Variants in ERVK3-1 observed in about 807,000 individuals in gnomAD.
ERVK3-1 encodes the protein endogenous retrovirus group K3 member 1, also known as HERV-K(HML6-1).
At position 58,313,891 on chromosome 19, in the gene ERVK3-1, C is replaced by T. The variant is rs1237050530; in HGVS notation, c.295-857C>T. On this transcript the variant is annotated intron_variant, in intron 3 of 3. Coordinates refer to ENST00000413518, the Ensembl canonical transcript of ERVK3-1. This position sits in a 1 kb window ranked among gnomAD's most constrained non-coding sequence, Gnocchi z 4.5. ...ACATAGTAATTTTTACTGTAATCTCCTTAGTCACACTAATAACCTCGGTTG... is the reference window on the plus strand; with the variant it reads ...ACATAGTAATTTTTACTGTAATCTCTTTAGTCACACTAATAACCTCGGTTG... Among the ~76,000 whole-genome samples, 1 of 152,190 alleles carries T rather than the reference C, an allele frequency of 6.6e-6. No individual in the cohort carries two copies. Among genetic ancestry groups the T allele is most frequent in the Non-Finnish European group, 1.5e-5 (1 of 68,028 alleles).
At chr19:58,311,439 T>C (rs1600471925) in intron 2 of ERVK3-1, 1 of 152,236 alleles carries the variant, frequency 6.6e-6, no homozygotes, top group East Asian at 1.9e-4. Flanking sequence ...AAGCTTCCCA[T>C]GCTTTACTGC....
intron 1 of ERVK3-1, among the ~76,000 whole-genome samples, chr19:58,305,794 C>T (rs1367896603): frequency 6.6e-6 from 1 of 152,156 alleles, no homozygotes; most frequent in East Asian, 1.9e-4. Context: ...GCGTCTGCCG[C>T]CAGAAGGAAT....
intron 2 of ERVK3-1, among the ~76,000 whole-genome samples, chr19:58,307,629 C>A (rs1354073774): frequency 6.7e-6 from 1 of 150,294 alleles, no homozygotes; most frequent in Non-Finnish European, 1.5e-5. Flanking sequence ...CCGCCCCGCT[C>A]CCCCCAACAC....
At chr19:58,308,968 C>T (rs1419963882) in intron 2 of ERVK3-1, 2 of 152,204 alleles carry the variant, frequency 1.3e-5, no homozygotes, top group Non-Finnish European at 2.9e-5. Context: ...GGTCTGCCAT[C>T]CCCGGCAACC....
chr19:58,314,408 C>T (rs1309360403), intron 3 of ERVK3-1, among the ~76,000 whole-genome samples: 1 of 151,952 alleles, frequency 6.6e-6, no homozygotes. Flanking sequence ...AGGCAGATCA[C>T]GAGGTCAGAA....
rs145575640 is a variant in ERVK3-1 at position 58,313,348 on chromosome 19, G to A, written c.294+886G>A. Among the ~76,000 whole-genome samples the A allele has an allele frequency of 1.1e-4, 17 of 152,228 alleles. 1 individual carries two copies. The South Asian group carries it at 1.9e-3, about 17-fold the overall frequency. On this transcript the variant is annotated intron_variant, in intron 3 of 3. Transcript: ENST00000413518. This position sits in a 1 kb window ranked among gnomAD's most constrained non-coding sequence, Gnocchi z 4.5. The stretch of plus-strand genomic sequence containing the variant: ...GTCGCCCAGGCTGGAGTGCAGTGGC[G>A]CAATCTCGGGTCACTGCAACCTTTG...
Position 58,312,197 on chromosome 19 carries a change from G to A in ERVK3-1, c.29G>A (p.Gly10Asp). ...GACAAACCGTGTGGGTGCCCTCCAG[G>A]TGTGTGTGACCATGGAACGGGAGAC... Residue 10 changes from glycine (G) to aspartate (D), a missense_variant, in exon 3 of 4, where the codon GGT becomes GAT. By Grantham distance (94) the Gly-to-Asp change is moderately conservative. Coordinates refer to ENST00000413518, the Ensembl canonical transcript of ERVK3-1. The surrounding 1 kb of genome is among the most constrained non-coding windows in gnomAD (Gnocchi z 4.7). The A allele has an allele frequency of 2.5e-6, 1 of 400,186 alleles. No homozygotes were observed. The highest frequency in any genetic ancestry group is 4.4e-6 in the Non-Finnish European group (1 of 226,100). The allele number at this position is 400,186 out of a possible 1,614,324, so 24.8% of individuals were successfully genotyped here.
chr19:58,316,760 A>G (rs1259033329), downstream of ERVK3-1, among the ~76,000 whole-genome samples: 5 of 152,206 alleles, frequency 3.3e-5, no homozygotes, highest in East Asian at 9.6e-4. Flanking sequence ...CCTATCTAAC[A>G]AGAGAAAAAC....
intron 2 of ERVK3-1, among the ~76,000 whole-genome samples, chr19:58,308,354 C>T (rs1028977721): frequency 2.0e-5 from 3 of 152,234 alleles, no homozygotes; most frequent in Non-Finnish European, 1.5e-5. Flanking sequence ...TGCTACTAAC[C>T]TCTGCATCCT....
intron 2 of ERVK3-1, chr19:58,311,226 G>A (rs747586545): frequency 1.3e-5 from 2 of 151,990 alleles, no homozygotes; most frequent in Non-Finnish European, 2.9e-5. Context: ...TTGCTTCGGC[G>A]CCTGGATGGC....
rs2051560546 is a variant in ERVK3-1 at position 58,312,199 on chromosome 19, G to A, written c.31G>A (p.Val11Met). ...CAAACCGTGTGGGTGCCCTCCAGGT[G>A]TGTGTGACCATGGAACGGGAGACCG... The change falls in exon 3 of 4, where the codon GTG (valine) becomes ATG (methionine). Residue 11 changes from valine to methionine, a missense_variant. Coordinates refer to ENST00000413518, the Ensembl canonical transcript of ERVK3-1. The surrounding 1 kb of genome is among the most constrained non-coding windows in gnomAD (Gnocchi z 4.7). 1 of 400,182 alleles carries A rather than the reference G, an allele frequency of 2.5e-6. No individual in the cohort carries two copies. Among genetic ancestry groups the A allele is most frequent in the Non-Finnish European group, 4.4e-6 (1 of 226,094 alleles). The allele number at this position is 400,182 out of a possible 1,614,324, so 24.8% of individuals were successfully genotyped here.
In ERVK3-1 at chr19:58,310,537, G is replaced by C. The variant is rs933626839; in HGVS notation, c.-3-1629G>C. On this transcript the variant is annotated intron_variant, in intron 2 of 3. Coordinates refer to ENST00000413518, the Ensembl canonical transcript of ERVK3-1. This position sits in a 1 kb window ranked among gnomAD's most constrained non-coding sequence, Gnocchi z 4.7. ...TGGTCAGGGGGCCCTTCCCTGCCTGGCAGCCGAGGCAGAGAGGGAGAGGAG... is the reference window on the plus strand; with the variant it reads ...TGGTCAGGGGGCCCTTCCCTGCCTGCCAGCCGAGGCAGAGAGGGAGAGGAG... The C allele has an allele frequency of 5.8e-5, 9 of 155,556 alleles. No individual in the cohort carries two copies. The highest frequency in any genetic ancestry group is 2.2e-4 in the African/African-American group (9 of 41,502). 9.6% of individuals were successfully genotyped at this position (155,556 alleles called of 1,614,324 possible).
At chr19:58,311,201 C>T (rs533917029) in intron 2 of ERVK3-1, 4 of 152,306 alleles carry the variant, frequency 2.6e-5, no homozygotes, top group South Asian at 2.1e-4. Context: ...TGGAACAGCC[C>T]GTGTCCTCTG....
At chr19:58,305,866 A>G (rs1275143194) in intron 1 of ERVK3-1, among the ~76,000 whole-genome samples, 1 of 152,162 alleles carries the variant, frequency 6.6e-6, no homozygotes, top group Middle Eastern at 3.2e-3. Flanking sequence ...AACATCTGGA[A>G]CCTGCTGAAC....
intron 2 of ERVK3-1, chr19:58,309,707 A>C (rs1243217915): frequency 6.6e-6 from 1 of 152,252 alleles, no homozygotes; most frequent in Non-Finnish European, 1.5e-5. Flanking sequence ...TTCATAGACA[A>C]AACTATAATG....
At chr19:58,316,769 A>G (rs1423202280), downstream of ERVK3-1, among the ~76,000 whole-genome samples, 1 of 152,244 alleles carries the variant, frequency 6.6e-6, no homozygotes, top group Non-Finnish European at 1.5e-5. Flanking sequence ...CAAGAGAAAA[A>G]CATGTCCATA....
chr19:58,314,765 A>C (rs1041641851), exon 4 of ERVK3-1: 1 of 400,062 alleles, frequency 2.5e-6, no homozygotes, highest in Non-Finnish European at 4.4e-6. Context: ...GATCGGGTGA[A>C]CCACCAACCG....
At chr19:58,315,102 C>T (rs1410924461) in exon 4 of ERVK3-1, 10 of 264,608 alleles carry the variant, frequency 3.8e-5, no homozygotes, top group Non-Finnish European at 6.3e-5. Flanking sequence ...ACAGTTATCC[C>T]TTCCTCCCTA....
intron 2 of ERVK3-1, among the ~76,000 whole-genome samples, chr19:58,308,569 T>C (rs1331172637): frequency 6.6e-6 from 1 of 151,970 alleles, no homozygotes. Context: ...TTGAAGGAAA[T>C]GGGATATCAG....
Sources: allele counts gnomAD v4.1 joint callset (sites outside exome capture counted in the v4.1 genomes callset), GRCh38; gene constraint gnomAD v4.1.1; non-coding constraint Gnocchi (gnomAD v3.1); transcripts MANE v1.5; gene names NCBI Gene and HGNC (gene_info 2026-07-23, HGNC 2026-07-21).